The following SKA2 variants were observed in gnomAD, a reference collection of about 807,000 sequenced individuals.
SKA2 encodes the protein spindle and kinetochore associated complex subunit 2.
In SKA2, 13 loss-of-function variants were observed where a neutral mutation model predicts 16.9. That is an observed-to-expected ratio of 0.77 (90% confidence interval 0.50 to 1.22). SKA2 has a LOEUF of 1.22. SKA2 is among the 50% of genes most tolerant of loss of function. The pLI is 0.00. For synonymous variants in SKA2, 47 were observed against 48.5 expected (o/e 0.97, Z 0.13); for missense variants, 107 against 139.7 (o/e 0.77, Z 1.18).
At chr17:59,135,468 A>C (rs1483208078) in intron 1 of SKA2, among the ~76,000 whole-genome samples, 1 of 151,680 alleles carries the variant, frequency 6.6e-6, no homozygotes, top group Non-Finnish European at 1.5e-5. Context: ...GGCACCCGCC[A>C]CCACACCCAG....
chr17:59,140,805 A>G (rs1238824453), intron 1 of SKA2, among the ~76,000 whole-genome samples: 1 of 132,972 alleles, frequency 7.5e-6, no homozygotes, highest in South Asian at 2.3e-4. Flanking sequence ...GGTATTCTTT[A>G]GTAGAGACAG....
At chr17:59,139,879 A>C (rs973030399) in intron 1 of SKA2, among the ~76,000 whole-genome samples, 1 of 152,146 alleles carries the variant, frequency 6.6e-6, no homozygotes, top group Non-Finnish European at 1.5e-5. Context: ...GACAAAAGGG[A>C]ATAGATGAAA....
chr17:59,125,475 T>G (rs1221846578), intron 2 of SKA2, among the ~76,000 whole-genome samples: 1 of 149,644 alleles, frequency 6.7e-6, no homozygotes, highest in Non-Finnish European at 1.5e-5. Flanking sequence ...CCAAGACTGG[T>G]GGATCACCTG....
chr17:59,148,692 C>T (rs756807186), intron 1 of SKA2, among the ~76,000 whole-genome samples: 4 of 149,970 alleles, frequency 2.7e-5, no homozygotes, highest in African/African-American at 9.8e-5. Flanking sequence ...CCTGTGGTCT[C>T]AGCTACTTGG....
At chr17:59,129,096 C>T (rs1179330338) in intron 2 of SKA2, among the ~76,000 whole-genome samples, 3 of 152,164 alleles carry the variant, frequency 2.0e-5, no homozygotes, top group African/African-American at 7.2e-5. Flanking sequence ...CGCCTATAAT[C>T]CCAGCACTTT....
chr17:59,123,900 A>AT (rs1271059099), intron 2 of SKA2, among the ~76,000 whole-genome samples: 1 of 152,216 alleles, frequency 6.6e-6, no homozygotes, highest in African/African-American at 2.4e-5. Context: ...CACAGTGCTA[A>AT]TAAGAGGCAG....
At position 59,119,429 on chromosome 17, in the gene SKA2, G is replaced by A. The variant is rs763351009; in HGVS notation, c.187C>T (p.Arg63Cys). 1.1e-5 allele frequency: 18 copies of A among 1,613,810 alleles called. No individual in the cohort carries two copies. In the Admixed American group the frequency reaches 1.5e-4, roughly 13 times the overall value. ...TGCTCAACAGCAACTGGTTTAAAGC[G>A]GGCATACAAAGTTTGATATCGAGAC... ...IKSRYQTLYARFKPVAVEQKE... is the reference protein window; with the variant it reads ...IKSRYQTLYACFKPVAVEQKE... Residue 63 changes from arginine to cysteine, a missense_variant, in exon 3 of 4, where the codon CGC (arginine) becomes TGC (cysteine). Coordinates refer to ENST00000330137, the MANE Select transcript of SKA2 (RefSeq NM_182620.4).
At chr17:59,153,987 G>C (rs1196858134) in intron 1 of SKA2, among the ~76,000 whole-genome samples, 1 of 151,706 alleles carries the variant, frequency 6.6e-6, no homozygotes, top group East Asian at 1.9e-4. Flanking sequence ...GGCCAGGGTA[G>C]TCTCAATGTC....
At chr17:59,131,473 T>C (rs2147806938) in intron 1 of SKA2, 106 bp from the exon 2 acceptor site, 1 of 587,524 alleles carries the variant, frequency 1.7e-6, no homozygotes, top group Non-Finnish European at 2.8e-6. Flanking sequence ...CAATAAGTGA[T>C]ACATACTCAT....
intron 2 of SKA2, among the ~76,000 whole-genome samples, chr17:59,122,837 G>T (rs1194552887): frequency 6.6e-6 from 1 of 151,824 alleles, no homozygotes; most frequent in Non-Finnish European, 1.5e-5. Flanking sequence ...TGGCCAGGCT[G>T]GTCTAGAACT....
chr17:59,143,355 C>T (rs1297727289), intron 1 of SKA2, among the ~76,000 whole-genome samples: 1 of 151,888 alleles, frequency 6.6e-6, no homozygotes. Flanking sequence ...AGGCCCCTAC[C>T]ACCATACCTG....
At chr17:59,127,838 A>G (rs1433365331) in intron 2 of SKA2, among the ~76,000 whole-genome samples, 8 of 152,220 alleles carry the variant, frequency 5.3e-5, no homozygotes, top group Non-Finnish European at 2.9e-5. Flanking sequence ...ACACATGTCC[A>G]CACAACAACT....
intron 1 of SKA2, chr17:59,151,902 C>A (rs1350809477): frequency 6.6e-5 from 10 of 152,106 alleles, no homozygotes; most frequent in Admixed American, 6.6e-4. Flanking sequence ...TCAGTTAACT[C>A]CTGAAATCTT....
In SKA2 at chr17:59,149,352, T is replaced by A. The variant is rs923262455; in HGVS notation, c.33+5779A>T. Reference sequence around the variant, plus strand: ...GTGAGACTTCATCTCTACAAAAAAATTTTTCAACTAGCCAGGTATGGTGAT... The same window carrying A: ...GTGAGACTTCATCTCTACAAAAAAAATTTTCAACTAGCCAGGTATGGTGAT... On this transcript the variant is annotated intron_variant, in intron 1 of 3. Coordinates refer to ENST00000330137, the MANE Select transcript of SKA2 (RefSeq NM_182620.4). Among the ~76,000 whole-genome samples the A allele has an allele frequency of 2.6e-5, 4 of 151,978 alleles. No individual in the cohort carries two copies. In the South Asian group the frequency reaches 6.2e-4, roughly 24 times the overall value.
chr17:59,113,011 C>T (rs1263033173), intron 3 of SKA2, among the ~76,000 whole-genome samples: 1 of 151,926 alleles, frequency 6.6e-6, no homozygotes, highest in Admixed American at 6.6e-5. Context: ...CCTCCCATCT[C>T]AAGCAATCCT....
In SKA2 at chr17:59,115,818, G is replaced by A. The variant is rs1398801500; in HGVS notation, c.298-3473C>T. Among the ~76,000 whole-genome samples, 3 of 152,232 alleles carry A rather than the reference G, an allele frequency of 2.0e-5. No individual in the cohort carries two copies. In the East Asian group the frequency reaches 5.8e-4, roughly 29 times the overall value. Reference sequence around the variant, plus strand: ...CACTACAAAAGCTTTCAGACCATCTGTTTAATAAATTCTCAAAGAATTTTT... The same window carrying A: ...CACTACAAAAGCTTTCAGACCATCTATTTAATAAATTCTCAAAGAATTTTT... On this transcript the variant is annotated intron_variant, in intron 3 of 3. Transcript: ENST00000330137.
In SKA2 at chr17:59,114,591, T is replaced by C. The variant is rs535932719; in HGVS notation, c.298-2246A>G. 3.0e-3 allele frequency among the ~76,000 whole-genome samples: 460 copies of C among 152,354 alleles called. 8 individuals carry two copies. Among genetic ancestry groups the C allele is most frequent in the Middle Eastern group, 0.027 (8 of 294 alleles). ...CTGTCATATATATTTGGTCCATTGT[T>C]GACCAAAACGTCATTATGCACTGCA... On this transcript the variant is annotated intron_variant, in intron 3 of 3. Transcript: ENST00000330137.
rs1232221864 is a variant in SKA2 at position 59,131,279 on chromosome 17, A to C, written c.120+2T>G. On this transcript the variant is annotated splice_donor_variant, in intron 2 of 3. Transcript: ENST00000330137. LOFTEE classifies it high-confidence loss of function. ...TTTAAGCTTATTTATTTCGGAGATTACCTCACTTGCTGAATCAGGATGATT... is the reference window on the plus strand; with the variant it reads ...TTTAAGCTTATTTATTTCGGAGATTCCCTCACTTGCTGAATCAGGATGATT... 1 of 1,570,640 alleles carries C rather than the reference A, an allele frequency of 6.4e-7. No individual in the cohort carries two copies. Among genetic ancestry groups the C allele is most frequent in the East Asian group, 2.3e-5 (1 of 43,672 alleles).
intron 1 of SKA2, among the ~76,000 whole-genome samples, chr17:59,133,849 G>A (rs773894961): frequency 1.3e-5 from 2 of 152,102 alleles, no homozygotes; most frequent in Non-Finnish European, 2.9e-5. Context: ...AAAAGAAAGA[G>A]AAGGTTTTTG....
Sources: allele counts gnomAD v4.1 joint callset (sites outside exome capture counted in the v4.1 genomes callset), GRCh38; gene constraint gnomAD v4.1.1; transcripts MANE v1.5; gene names NCBI Gene and HGNC (gene_info 2026-07-23, HGNC 2026-07-21).